Variants in RTN4 observed in about 807,000 individuals in gnomAD.
The protein encoded by RTN4 is reticulon 4.
A neutral mutation model predicts 90.4 loss-of-function variants in RTN4; 32 were observed. The observed-to-expected ratio is 0.35, with a 90% CI of 0.27 to 0.48. The LOEUF (loss-of-function observed/expected upper bound fraction) is 0.48. Ranked by LOEUF, RTN4 falls within the 20% of genes least tolerant of loss-of-function variation. RTN4 has a pLI of 0.99. For synonymous variants in RTN4, 629 were observed against 552.5 expected (o/e 1.14, Z -1.94); for missense variants, 1,706 against 1,430.2 (o/e 1.19, Z -3.11).
In RTN4 at chr2:55,000,327, A is replaced by C. The variant is rs566965031; in HGVS notation, c.3014-12629T>G. 2.0e-5 allele frequency among the ~76,000 whole-genome samples: 3 copies of C among 152,178 alleles called. No individual in the cohort carries two copies. In the South Asian group the frequency reaches 6.2e-4, roughly 32 times the overall value. ...GTCTTGGCTATCTCCTCTTCCTTTA[A>C]CTAGAGTTTTTAAACAGATACGTGC... On this transcript the variant is annotated intron_variant, in intron 3 of 8. Transcript: ENST00000337526.
chr2:55,096,561 G>A (rs983816528), intron 1 of RTN4, among the ~76,000 whole-genome samples: 1 of 152,128 alleles, frequency 6.6e-6, no homozygotes, highest in Non-Finnish European at 1.5e-5. Context: ...TCAGCATCCT[G>A]CACCACGTTA....
At chr2:55,070,797 G>T (rs1668496731) in intron 2 of RTN4, among the ~76,000 whole-genome samples, 1 of 150,306 alleles carries the variant, frequency 6.7e-6, no homozygotes, top group South Asian at 2.1e-4. Flanking sequence ...CGTTTTTTTT[G>T]ACAGAGTCTC....
At position 55,107,400 on chromosome 2, in the gene RTN4, C is replaced by A. The variant is rs189801879; in HGVS notation, c.-214+5120G>T. Reference sequence around the variant, plus strand: ...AAATTTGCTGAATGTAAAGACTGAACCTCAAAAAAAAAAAAAAAAAAAAGG... The same window carrying A: ...AAATTTGCTGAATGTAAAGACTGAAACTCAAAAAAAAAAAAAAAAAAAAGG... On this transcript the variant is annotated intron_variant, in intron 1 of 3. Transcript: ENST00000427710. Among the ~76,000 whole-genome samples the A allele has an allele frequency of 3.9e-3, 446 of 114,254 alleles. 7 individuals carry two copies. The highest frequency in any genetic ancestry group is 0.014 in the African/African-American group (440 of 31,122). The allele number at this position is 114,254 out of a possible 152,430, so 75.0% of individuals were successfully genotyped here. A position where few individuals can be genotyped will look rare whatever the true frequency, so the allele number is the denominator to read the frequency against.
intron 1 of RTN4, among the ~76,000 whole-genome samples, chr2:55,108,682 A>T (rs1013799142): frequency 3.9e-5 from 6 of 152,104 alleles, no homozygotes; most frequent in Admixed American, 2.6e-4. Context: ...CTCTCTTATT[A>T]CTTTGATTCC....
chr2:55,077,356 ACTT>A (rs1453101778), intron 2 of RTN4, among the ~76,000 whole-genome samples: 2 of 152,142 alleles, frequency 1.3e-5, no homozygotes, highest in African/African-American at 2.4e-5. Flanking sequence ...CTAATATACT[ACTT>A]ATCAGGAAAA....
At chr2:54,984,422 G>A (rs143890348) in intron 4 of RTN4, among the ~76,000 whole-genome samples, 8 of 152,192 alleles carry the variant, frequency 5.3e-5, no homozygotes, top group East Asian at 1.9e-4. Flanking sequence ...TCAAATACTC[G>A]CACTGATATT....
At chr2:54,991,328 A>G (rs1486081459) in intron 3 of RTN4, among the ~76,000 whole-genome samples, 1 of 152,202 alleles carries the variant, frequency 6.6e-6, no homozygotes, top group Non-Finnish European at 1.5e-5. Context: ...TCCTAATATT[A>G]TAACAGAGTT....
At chr2:55,022,076 G>C (rs1011891371) in intron 3 of RTN4, among the ~76,000 whole-genome samples, 2 of 152,070 alleles carry the variant, frequency 1.3e-5, no homozygotes, top group African/African-American at 4.8e-5. Flanking sequence ...TAAACTATTA[G>C]GCTATAGATT....
chr2:54,985,699 C>T (rs1220429186), intron 4 of RTN4, among the ~76,000 whole-genome samples: 1 of 152,138 alleles, frequency 6.6e-6, no homozygotes, highest in East Asian at 1.9e-4. Flanking sequence ...AGAAAAATCA[C>T]CAGTCTTTAC....
At chr2:54,973,971 T>A in intron 6 of RTN4, 104 bp from the exon 7 acceptor site, 2 of 961,468 alleles carry the variant, frequency 2.1e-6, no homozygotes. Flanking sequence ...CCAAGCAGTG[T>A]TCCTAATGAA....
chr2:55,076,425 A>G (rs1339006338), intron 2 of RTN4, among the ~76,000 whole-genome samples: 2 of 105,350 alleles, frequency 1.9e-5, no homozygotes, highest in African/African-American at 3.9e-5. Context: ...TTTGAGATGG[A>G]CTCTCACTCT....
chr2:55,049,413 TG>T (rs1286251797), intron 1 of RTN4: 4 of 345,542 alleles, frequency 1.2e-5, no homozygotes, highest in Non-Finnish European at 2.3e-5. Flanking sequence ...TCCACAACCC[TG>T]GCTCTCGGGT....
intron 5 of RTN4, among the ~76,000 whole-genome samples, chr2:54,979,554 T>C (rs1677951764): frequency 6.6e-6 from 1 of 152,224 alleles, no homozygotes; most frequent in South Asian, 2.1e-4. Flanking sequence ...GTATATTCAA[T>C]GGAAACAAAC....
At chr2:55,101,357 C>T (rs890503052) in intron 1 of RTN4, among the ~76,000 whole-genome samples, 2 of 151,984 alleles carry the variant, frequency 1.3e-5, no homozygotes, top group African/African-American at 4.8e-5. Context: ...TGAAATAATA[C>T]ATTATCCATT....
intron 1 of RTN4, among the ~76,000 whole-genome samples, chr2:55,029,333 A>G (rs1379533538): frequency 1.3e-5 from 2 of 152,168 alleles, no homozygotes; most frequent in African/African-American, 4.8e-5. Flanking sequence ...CAAGCTAACT[A>G]ATACACTCTA....
intron 1 of RTN4, among the ~76,000 whole-genome samples, chr2:55,037,118 T>C (rs182719391): frequency 6.6e-6 from 1 of 152,274 alleles, no homozygotes; most frequent in East Asian, 1.9e-4. Context: ...ATGAAAATAT[T>C]TTCTAAATAT....
rs951169514 is a variant in RTN4, at chr2:55,080,237, T to G, written c.-63+252A>C. 2.6e-5 allele frequency among the ~76,000 whole-genome samples: 4 copies of G among 152,000 alleles called. No homozygotes were observed. The East Asian group carries it at 7.7e-4, about 29-fold the overall frequency. On this transcript the variant is annotated intron_variant, in intron 2 of 3. Transcript: ENST00000427710. ...CTCGCCATGTCACCCACGCTGGTCT[T>G]GAACTCCTGGGCTCAAGCGATCCTC...
intron 1 of RTN4, among the ~76,000 whole-genome samples, chr2:55,083,806 A>G (rs6758258): frequency 0.18 from 27,188 of 152,174 alleles, 4,507 homozygotes; most frequent in African/African-American, 0.44. Flanking sequence ...AAGAAGAAGC[A>G]TATATTTGGT....
At chr2:55,134,169 T>C in the RTN4 span, among the ~76,000 whole-genome samples, 1 of 152,316 alleles carries the variant, frequency 6.6e-6, no homozygotes, top group East Asian at 1.9e-4. Context: ...ATAATTAGTG[T>C]ATAACGAGCA....
Sources: allele counts gnomAD v4.1 joint callset (sites outside exome capture counted in the v4.1 genomes callset), GRCh38; gene constraint gnomAD v4.1.1; transcripts MANE v1.5; gene names NCBI Gene and HGNC (gene_info 2026-07-23, HGNC 2026-07-21).